Variants in INSYN1 observed in about 807,000 individuals in gnomAD.
The protein encoded by INSYN1 is UPF0583 protein C15orf59.
In INSYN1, 7 loss-of-function variants were observed where a neutral mutation model predicts 17.1. That is an observed-to-expected ratio of 0.41 (90% confidence interval 0.23 to 0.77). INSYN1 has a LOEUF of 0.77. Ranked by LOEUF, INSYN1 falls within the 30% of genes least tolerant of loss-of-function variation. The pLI is 0.32. For missense variants in INSYN1, 339 were observed against 400.6 expected (o/e 0.85, Z 1.31); for synonymous variants, 174 against 166.3 (o/e 1.05, Z -0.36).
chr15:73,739,838 AATATATATATATATAT>A lies in INSYN1; in HGVS notation c.*63_*78del, dbSNP rs71650721. On this transcript the variant is annotated 3_prime_UTR_variant, in exon 3 of 3. Transcript: ENST00000569673. ...ATTTTATTATGACTTCATTTGTTTA[AATATATATATATATAT>A]ATATATATATATATTTATTTATAGC... 3 of 144,708 alleles carry A rather than the reference AATATATATATATATAT, an allele frequency of 2.1e-5. No homozygotes were observed. Among genetic ancestry groups the A allele is most frequent in the South Asian group, 2.5e-4 (1 of 3,982 alleles). 9.0% of individuals were successfully genotyped at this position (144,708 alleles called of 1,614,324 possible).
At chr15:73,749,811 C>G (rs1298508184) in intron 2 of INSYN1, among the ~76,000 whole-genome samples, 3 of 152,166 alleles carry the variant, frequency 2.0e-5, no homozygotes, top group Non-Finnish European at 4.4e-5. Context: ...CGAGGCTGAC[C>G]CTGGACAGCT....
chr15:73,740,216 G>C lies in INSYN1; in HGVS notation c.583C>G (p.His195Asp), dbSNP rs774829006. Residue 195 changes from histidine (H) to aspartate (D), a missense_variant, in exon 3 of 3, where the codon CAT becomes GAT. Transcript: ENST00000569673. ...TCCTCATCGTCACAGCACAGAGCAT[G>C]GTAGAGCACTTTGTCACTGAACCGC... The part of the protein sequence containing the change: ...RVRFSDKVLY[H>D]ALCCDDEEGD... 1 of 1,613,970 alleles carries C rather than the reference G, an allele frequency of 6.2e-7. No individual in the cohort carries two copies. The highest frequency in any genetic ancestry group is 8.5e-7 in the Non-Finnish European group (1 of 1,180,032).
intron 2 of INSYN1, among the ~76,000 whole-genome samples, chr15:73,747,307 G>C (rs1010290202): frequency 6.6e-6 from 1 of 152,158 alleles, no homozygotes; most frequent in Non-Finnish European, 1.5e-5. Context: ...CCCACTGGCA[G>C]GGAGTGAGAC....
In INSYN1 at chr15:73,749,888, T is replaced by G. The variant is rs533178864; in HGVS notation, c.156+1087A>C. Among the ~76,000 whole-genome samples the G allele has an allele frequency of 1.2e-4, 18 of 152,126 alleles. No homozygotes were observed. In the South Asian group the frequency reaches 3.7e-3, roughly 32 times the overall value. On this transcript the variant is annotated intron_variant, in intron 2 of 2. Transcript: ENST00000569673. ...AACACAGTGCCCTTCAAACAACCCC[T>G]CCTCCTTGGCTCTCAGGCCAGGCTG... is the stretch of plus-strand genomic sequence containing the variant.
chr15:73,743,147 T>C (rs1460444285), intron 2 of INSYN1, among the ~76,000 whole-genome samples: 1 of 152,192 alleles, frequency 6.6e-6, no homozygotes, highest in Non-Finnish European at 1.5e-5. Flanking sequence ...TGGAGTTGCA[T>C]GACTTGGCTG....
chr15:73,740,612 C>A lies in INSYN1; in HGVS notation c.187G>T (p.Asp63Tyr). 1.2e-6 allele frequency: 2 copies of A among 1,612,594 alleles called. No homozygotes were observed. The highest frequency in any genetic ancestry group is 1.7e-6 in the Non-Finnish European group (2 of 1,179,010). Residue 63 changes from aspartate to tyrosine, a missense_variant, in exon 3 of 3, where the codon GAC (aspartate) becomes TAC (tyrosine). Asp to Tyr is a radical substitution (Grantham distance 160). Coordinates refer to ENST00000569673, the MANE Select transcript of INSYN1 (RefSeq NM_001039614.3). ...TCCGGCTCCAGTTCAAAGTCGAAGTCCGAGGTTAGCTTATCGATCTGGCTC... is the reference window on the plus strand; with the variant it reads ...TCCGGCTCCAGTTCAAAGTCGAAGTACGAGGTTAGCTTATCGATCTGGCTC... ...VVSQIDKLTS[D>Y]FDFELEPDDW...
At position 73,735,864 on chromosome 15, in the gene INSYN1, G is replaced by A. The variant is rs768683887; in HGVS notation, c.*4053C>T. ...GCTTATCTCATACGTGCTGTGAGGA[G>A]TAAATGAGATAAGACATACACTTAG... On this transcript the variant is annotated 3_prime_UTR_variant, in exon 3 of 3. Transcript: ENST00000569673. 3 of 152,246 alleles carry A rather than the reference G, an allele frequency of 2.0e-5. No individual in the cohort carries two copies. The highest frequency in any genetic ancestry group is 4.4e-5 in the Non-Finnish European group (3 of 68,056). The allele number at this position is 152,246 out of a possible 1,614,324, so 9.4% of individuals were successfully genotyped here.
In INSYN1 at chr15:73,740,359, G is replaced by A; in HGVS notation, c.440C>T (p.Pro147Leu). 2 of 1,607,108 alleles carry A rather than the reference G, an allele frequency of 1.2e-6. No homozygotes were observed. Among genetic ancestry groups the A allele is most frequent in the East Asian group, 2.2e-5 (1 of 44,816 alleles). Reference sequence around the variant, plus strand: ...CTCCACTCGTGGCCCATTGGGGATGGGCGTGCCACCATTCATGAGGCGGTA... The same window carrying A: ...CTCCACTCGTGGCCCATTGGGGATGAGCGTGCCACCATTCATGAGGCGGTA... ...PDYRLMNGGT[P>L]IPNGPRVETP... Residue 147 changes from proline to leucine, a missense_variant, in exon 3 of 3, where the codon CCC becomes CTC. Pro to Leu is a moderately conservative substitution (Grantham distance 98). Coordinates refer to ENST00000569673, the MANE Select transcript of INSYN1 (RefSeq NM_001039614.3).
In INSYN1 at chr15:73,740,192, C is replaced by T. The variant is rs1434070094; in HGVS notation, c.607G>A (p.Glu203Lys). 2 of 1,614,018 alleles carry T rather than the reference C, an allele frequency of 1.2e-6. No individual in the cohort carries two copies. The highest frequency in any genetic ancestry group is 8.5e-7 in the Non-Finnish European group (1 of 1,180,026). Residue 203 changes from glutamate (E) to lysine (K), a missense_variant, in exon 3 of 3, where the codon GAG (glutamate) becomes AAG (lysine). By Grantham distance (56) the Glu-to-Lys change is moderately conservative (BLOSUM62 1). Coordinates refer to ENST00000569673, the MANE Select transcript of INSYN1 (RefSeq NM_001039614.3). Reference protein sequence around the residue: ...LYHALCCDDEEGDGEQEVEEE... With the variant: ...LYHALCCDDEKGDGEQEVEEE... ...TCCACCTCCTGCTCACCGTCCCCCT[C>T]CTCATCGTCACAGCACAGAGCATGG...
At chr15:73,743,612 G>A (rs1024691554) in intron 2 of INSYN1, among the ~76,000 whole-genome samples, 1 of 151,924 alleles carries the variant, frequency 6.6e-6, no homozygotes. Flanking sequence ...GAGGTCAGGA[G>A]ATTGAGACCA....
In INSYN1 at chr15:73,737,802, C is replaced by T. The variant is rs995289303; in HGVS notation, c.*2115G>A. 6.6e-6 allele frequency: 1 copy of T among 152,310 alleles called. No individual in the cohort carries two copies. Among genetic ancestry groups the T allele is most frequent in the African/African-American group, 2.4e-5 (1 of 41,470 alleles). The allele number at this position is 152,310 out of a possible 1,614,324, so 9.4% of individuals were successfully genotyped here. On this transcript the variant is annotated 3_prime_UTR_variant, in exon 3 of 3. Transcript: ENST00000569673. ...AGTGGGTGCTGCCAGGCCTGCTGCT[C>T]AGGCCCCCTCCGGACAGACGCTGGG...
At position 73,750,593 on chromosome 15, in the gene INSYN1, C is replaced by A. The variant is rs115956071; in HGVS notation, c.156+382G>T. ...GCACTCTCCCAGGGTCCCTTGTGAC[C>A]AGATCAGAGTCTGGGAGACAGATGG... On this transcript the variant is annotated intron_variant, in intron 2 of 2. Transcript: ENST00000569673. Among the ~76,000 whole-genome samples the A allele has an allele frequency of 7.9e-3, 1,200 of 152,200 alleles. 24 individuals carry two copies. Among genetic ancestry groups the A allele is most frequent in the African/African-American group, 0.027 (1,137 of 41,528 alleles).
chr15:73,752,344 T>C lies in INSYN1; in HGVS notation c.-802A>G. On this transcript the variant is annotated 5_prime_UTR_variant, in exon 1 of 3. Transcript: ENST00000569673. The surrounding 1 kb of genome is among the most constrained non-coding windows in gnomAD (Gnocchi z 5.2). Reference sequence around the variant, plus strand: ...AAATCTTTCTCAAGCCTCTCCAGGCTCGGGGTCGGGAATGAGCGAGGGTCC... The same window carrying C: ...AAATCTTTCTCAAGCCTCTCCAGGCCCGGGGTCGGGAATGAGCGAGGGTCC... The C allele has an allele frequency of 6.6e-6, 1 of 152,258 alleles. No homozygotes were observed. 9.4% of individuals were successfully genotyped at this position (152,258 alleles called of 1,614,324 possible).
chr15:73,747,822 G>C (rs892994231), intron 2 of INSYN1, among the ~76,000 whole-genome samples: 3 of 152,200 alleles, frequency 2.0e-5, no homozygotes, highest in African/African-American at 7.2e-5. Flanking sequence ...GTACTGGGGA[G>C]CCTGGGAGAG....
chr15:73,753,155 C>T lies in INSYN1; in HGVS notation c.-1613G>A, dbSNP rs1902039394. On this transcript the variant is annotated 5_prime_UTR_variant, in exon 1 of 3. Transcript: ENST00000569673. The surrounding 1 kb of genome is among the most constrained non-coding windows in gnomAD (Gnocchi z 4.2). The stretch of plus-strand genomic sequence containing the variant: ...GCTGGGCCTCCCTTCACCGCCTCGC[C>T]CTGCCCTGCCCCGCCGGGCTCCCGG... Among the ~76,000 whole-genome samples, 2 of 146,672 alleles carry T rather than the reference C, an allele frequency of 1.4e-5. No individual in the cohort carries two copies. The highest frequency in any genetic ancestry group is 4.2e-4 in the South Asian group (2 of 4,768).
chr15:73,749,735 C>A (rs1050181028), intron 2 of INSYN1, among the ~76,000 whole-genome samples: 2 of 152,218 alleles, frequency 1.3e-5, no homozygotes, highest in African/African-American at 4.8e-5. Context: ...GAAGCACCAC[C>A]ACCTCAGTCT....
In INSYN1 at chr15:73,739,838, A is replaced by AAT. The variant is rs71650721; in HGVS notation, c.*77_*78dup. 11,004 of 144,216 alleles carry AAT rather than the reference A, an allele frequency of 0.076. 421 individuals carry two copies. The highest frequency in any genetic ancestry group is 0.13 in the African/African-American group (4,281 of 33,758). The allele number at this position is 144,216 out of a possible 1,614,324, so 8.9% of individuals were successfully genotyped here. A position where few individuals can be genotyped will look rare whatever the true frequency, so the allele number is the denominator to read the frequency against. On this transcript the variant is annotated 3_prime_UTR_variant, in exon 3 of 3. Transcript: ENST00000569673. ...ATTTTATTATGACTTCATTTGTTTA[A>AAT]ATATATATATATATATATATATATA... is the stretch of plus-strand genomic sequence containing the variant.
intron 2 of INSYN1, among the ~76,000 whole-genome samples, chr15:73,747,066 T>A (rs1047982720): frequency 1.3e-5 from 2 of 152,178 alleles, no homozygotes; most frequent in Non-Finnish European, 2.9e-5. Flanking sequence ...TCCTCTACTC[T>A]TCTCCTTGTT....
chr15:73,736,914 C>G lies in INSYN1; in HGVS notation c.*3003G>C, dbSNP rs1368920441. ...CCATCTAAAAAAAAACAAAACAAAA[C>G]AAAAACAAGAAAAAGGAAGCCACAG... On this transcript the variant is annotated 3_prime_UTR_variant, in exon 3 of 3. Transcript: ENST00000569673. The G allele has an allele frequency of 6.5e-6, 1 of 152,692 alleles. No individual in the cohort carries two copies. Among genetic ancestry groups the G allele is most frequent in the Admixed American group, 6.5e-5 (1 of 15,278 alleles). 9.5% of individuals were successfully genotyped at this position (152,692 alleles called of 1,614,324 possible).
Sources: gnomAD v4.1 joint callset for allele counts (sites outside exome capture counted in the v4.1 genomes callset) on GRCh38, gnomAD v4.1.1 for gene constraint, Gnocchi (gnomAD v3.1) non-coding constraint, MANE v1.5 for transcripts, NCBI Gene and HGNC (gene_info 2026-07-23, HGNC 2026-07-21) for gene names.